Variants in BBX observed in about 807,000 individuals in gnomAD.
BBX encodes BBX high mobility group box domain containing, also known as HMG box transcription factor BBX.
BBX carries 30 observed loss-of-function variants against 100.2 expected under a neutral mutation model. The observed-to-expected ratio is 0.30, with a 90% CI of 0.22 to 0.41. The LOEUF is 0.41. Ranked by LOEUF, BBX falls within the 10% of genes least tolerant of loss-of-function variation. The probability of loss-of-function intolerance (pLI) is 1.00; values close to 1 mark genes in which losing one functional copy is unlikely to be tolerated. For missense variants in BBX, 1,023 were observed against 1,129.8 expected (o/e 0.91, Z 1.35); for synonymous variants, 376 against 388.1 (o/e 0.97, Z 0.37).
intron 2 of BBX, among the ~76,000 whole-genome samples, chr3:107,543,999 TAA>T (rs2107377004): frequency 6.6e-6 from 1 of 152,368 alleles, no homozygotes; most frequent in East Asian, 1.9e-4. Context: ...GTATGCAGGC[TAA>T]ACATTAGTAA....
rs568233481 is a variant in BBX at position 107,787,145 on chromosome 3, C to G, written c.2204-2642C>G. ...CCATAATAAAAAAGACAGATAATAA[C>G]AAATGTTGACAAAGATGTAGAGAAA... On this transcript the variant is annotated intron_variant, in intron 13 of 17. Transcript: ENST00000325805. Among the ~76,000 whole-genome samples the G allele has an allele frequency of 2.2e-3, 338 of 152,162 alleles. 1 individual carries two copies. Among genetic ancestry groups the G allele is most frequent in the African/African-American group, 8.0e-3 (332 of 41,516 alleles).
At chr3:107,692,969 T>A (rs1427083000) in intron 3 of BBX, among the ~76,000 whole-genome samples, 3 of 149,918 alleles carry the variant, frequency 2.0e-5, no homozygotes, top group African/African-American at 7.4e-5. Flanking sequence ...CATTTTTTCA[T>A]GTGTTTTTTG....
chr3:107,547,489 T>TA (rs2049322339), intron 2 of BBX, among the ~76,000 whole-genome samples: 1 of 152,166 alleles, frequency 6.6e-6, no homozygotes, highest in East Asian at 1.9e-4. Context: ...TTTTTTGACA[T>TA]ACGACTTTAA....
intron 17 of BBX, among the ~76,000 whole-genome samples, chr3:107,802,490 T>C (rs897175655): frequency 1.3e-5 from 2 of 152,240 alleles, no homozygotes; most frequent in African/African-American, 4.8e-5. Context: ...TGTGGAGTTG[T>C]GCAGTCAAGG....
At chr3:107,788,078 T>C (rs1457332427) in intron 13 of BBX, among the ~76,000 whole-genome samples, 1 of 152,204 alleles carries the variant, frequency 6.6e-6, no homozygotes, top group Non-Finnish European at 1.5e-5. Flanking sequence ...GCTGGGGTGA[T>C]GCATTTTTGA....
chr3:107,795,881 A>G (rs192613253), intron 15 of BBX, among the ~76,000 whole-genome samples: 1 of 152,292 alleles, frequency 6.6e-6, no homozygotes, highest in Admixed American at 6.5e-5. Flanking sequence ...GGAACAAACT[A>G]GAAAAGGAAC....
At chr3:107,573,977 A>C (rs1174325400) in intron 2 of BBX, among the ~76,000 whole-genome samples, 2 of 152,208 alleles carry the variant, frequency 1.3e-5, no homozygotes, top group African/African-American at 4.8e-5. Flanking sequence ...CACCCGCCTC[A>C]GCCTCCCAAA....
At chr3:107,763,405 G>A (rs1037552121) in intron 10 of BBX, among the ~76,000 whole-genome samples, 4 of 151,892 alleles carry the variant, frequency 2.6e-5, no homozygotes, top group African/African-American at 4.8e-5. Context: ...ATTTTATTAC[G>A]TCTTTTAAAG....
intron 2 of BBX, among the ~76,000 whole-genome samples, chr3:107,559,669 A>C (rs1281886393): frequency 1.3e-5 from 2 of 152,220 alleles, no homozygotes; most frequent in Admixed American, 6.5e-5. Flanking sequence ...AGTCATTGAA[A>C]GCTAAAAGGG....
In BBX at chr3:107,592,983, A is replaced by G. The variant is rs562187330; in HGVS notation, c.-83-52853A>G. 2.0e-5 allele frequency among the ~76,000 whole-genome samples: 3 copies of G among 152,322 alleles called. No individual in the cohort carries two copies. The East Asian group carries it at 5.8e-4, about 29-fold the overall frequency. ...TTTTAAGGTTTTCAAAATTGTCTCT[A>G]AGTATATATAATTTTAACTTTGTAC... On this transcript the variant is annotated intron_variant, in intron 2 of 17. Transcript: ENST00000325805.
chr3:107,757,751 TTTCATTCACAAA>T (rs2065598084), intron 10 of BBX, among the ~76,000 whole-genome samples: 1 of 152,230 alleles, frequency 6.6e-6, no homozygotes, highest in African/African-American at 2.4e-5. Flanking sequence ...GATATTCATT[TTTCATTCACAAA>T]ATATAACGTT....
chr3:107,654,270 G>A (rs1373977222), intron 3 of BBX, among the ~76,000 whole-genome samples: 1 of 152,132 alleles, frequency 6.6e-6, no homozygotes, highest in Non-Finnish European at 1.5e-5. Context: ...TTTAGTTCCT[G>A]TTAAAATGCT....
chr3:107,553,264 CTTAT>C (rs2049840691), intron 2 of BBX, among the ~76,000 whole-genome samples: 1 of 152,116 alleles, frequency 6.6e-6, no homozygotes, highest in Non-Finnish European at 1.5e-5. Context: ...TTTAAACCAT[CTTAT>C]TTAATCTTTA....
In BBX at chr3:107,802,692, G is replaced by C. The variant is rs369365464; in HGVS notation, c.2738+1411G>C. Among the ~76,000 whole-genome samples the C allele has an allele frequency of 3.3e-5, 5 of 152,232 alleles. No homozygotes were observed. The South Asian group carries it at 6.2e-4, about 19-fold the overall frequency. On this transcript the variant is annotated intron_variant, in intron 17 of 17. Transcript: ENST00000325805. ...GTGTTCTAAGCGTGGTCACACCGTTGCTCTGTTAACCAGCCCTCCATGGTT... is the reference window on the plus strand; with the variant it reads ...GTGTTCTAAGCGTGGTCACACCGTTCCTCTGTTAACCAGCCCTCCATGGTT...
At chr3:107,699,022 A>G (rs1209159945) in intron 3 of BBX, among the ~76,000 whole-genome samples, 1 of 151,788 alleles carries the variant, frequency 6.6e-6, no homozygotes, top group Admixed American at 6.5e-5. Flanking sequence ...CCTAGAACTC[A>G]TTCATTCATT....
chr3:107,591,876 A>G (rs987916438), intron 2 of BBX, among the ~76,000 whole-genome samples: 1 of 152,242 alleles, frequency 6.6e-6, no homozygotes, highest in African/African-American at 2.4e-5. Context: ...GGTGATTGAA[A>G]TGTTCTTAGT....
Position 107,683,798 on chromosome 3 carries a change from C to T in BBX, c.-9-26654C>T, listed in dbSNP as rs114762662. Among the ~76,000 whole-genome samples, 1,298 of 152,150 alleles carry T rather than the reference C, an allele frequency of 8.5e-3. 6 individuals are homozygous for T. Among genetic ancestry groups the T allele is most frequent in the Non-Finnish European group, 0.016 (1,064 of 67,992 alleles). On this transcript the variant is annotated intron_variant, in intron 3 of 17. Coordinates refer to ENST00000325805, the MANE Select transcript of BBX (RefSeq NM_001142568.3). ...AGTGCTGTTGGCAATTTTCCAGTTT[C>T]TATCTATGTGTCTATCAGCTCTACA... is the stretch of plus-strand genomic sequence containing the variant.
chr3:107,656,600 C>T (rs1186012868), intron 3 of BBX, among the ~76,000 whole-genome samples: 1 of 152,172 alleles, frequency 6.6e-6, no homozygotes, highest in African/African-American at 2.4e-5. Context: ...TGCTCTGGAT[C>T]GTTATCCCTC....
chr3:107,805,713 A>AT lies in BBX; in HGVS notation c.*258dup. The AT allele has an allele frequency of 1.8e-6, 1 of 562,184 alleles. No individual in the cohort carries two copies. The highest frequency in any genetic ancestry group is 1.9e-5 in the African/African-American group (1 of 53,786). The allele number at this position is 562,184 out of a possible 1,614,324, so 34.8% of individuals were successfully genotyped here. On this transcript the variant is annotated 3_prime_UTR_variant, in exon 18 of 18. Transcript: ENST00000325805. ...GAATGATCCTGGAGCTTTGCTTTCT[A>AT]TTGAAGGCTTTTGACGGTAATAGGT...
Sources: gnomAD v4.1 joint callset for allele counts (sites outside exome capture counted in the v4.1 genomes callset) on GRCh38, gnomAD v4.1.1 for gene constraint, MANE v1.5 for transcripts, NCBI Gene and HGNC (gene_info 2026-07-23, HGNC 2026-07-21) for gene names.